The following MYO18B variants were observed in gnomAD, a reference collection of about 807,000 sequenced individuals.
MYO18B encodes unconventional myosin-XVIIIb.
MYO18B carries 204 observed loss-of-function variants against 273.0 expected under a neutral mutation model. That is an observed-to-expected ratio of 0.75 (90% CI 0.67 to 0.84). The LOEUF (loss-of-function observed/expected upper bound fraction) is 0.84, where lower values mean the gene tolerates loss of function less well. Ranked by LOEUF, MYO18B falls within the 40% of genes least tolerant of loss-of-function variation. The pLI, the probability that MYO18B is intolerant of heterozygous loss-of-function variation, is 0.00. For missense variants in MYO18B, 3,212 were observed against 3,287.6 expected (o/e 0.98, Z 0.56); for synonymous variants, 1,330 against 1,305.7 (o/e 1.02, Z -0.40).
chr22:26,026,247 C>G (rs926120054), intron 42 of MYO18B, among the ~76,000 whole-genome samples, 198 bp from the exon 43 acceptor site: 2 of 152,176 alleles, frequency 1.3e-5, no homozygotes, highest in African/African-American at 4.8e-5. Flanking sequence ...ATAGAAATTG[C>G]ATTCGGAAAG....
intron 18 of MYO18B, among the ~76,000 whole-genome samples, chr22:25,844,826 A>G (rs1014520573): frequency 1.3e-5 from 2 of 152,216 alleles, no homozygotes; most frequent in Non-Finnish European, 2.9e-5. Flanking sequence ...AGTTGCGAGC[A>G]CACAGAGGAC....
At chr22:26,020,234 C>A (rs187107574) in intron 42 of MYO18B, among the ~76,000 whole-genome samples, 1 of 152,120 alleles carries the variant, frequency 6.6e-6, no homozygotes, top group African/African-American at 2.4e-5. Flanking sequence ...GATATAGGTG[C>A]CTCCTTCTTT....
chr22:25,987,682 G>T (rs1292616963), intron 39 of MYO18B, among the ~76,000 whole-genome samples: 3 of 151,948 alleles, frequency 2.0e-5, no homozygotes, highest in Non-Finnish European at 2.9e-5. Flanking sequence ...TGGAAGTGAG[G>T]ACTTTATTTG....
At chr22:26,019,200 T>A (rs1935613889) in intron 42 of MYO18B, among the ~76,000 whole-genome samples, 1 of 152,038 alleles carries the variant, frequency 6.6e-6, no homozygotes, top group African/African-American at 2.4e-5. Context: ...AGCATGGGAG[T>A]CTCAGCTCTG....
chr22:25,835,717 A>G (rs903495539), intron 17 of MYO18B, among the ~76,000 whole-genome samples: 7 of 152,260 alleles, frequency 4.6e-5, no homozygotes, highest in African/African-American at 1.7e-4. Context: ...AGCCAAGCAC[A>G]TGCGTGCACA....
chr22:25,997,755 C>T (rs115431234), intron 40 of MYO18B, among the ~76,000 whole-genome samples: 1,562 of 152,240 alleles, frequency 0.01, 27 homozygotes, highest in African/African-American at 0.036. Context: ...CCCCCAGCTC[C>T]TGCCCAGGCC....
At chr22:25,780,590 CAAAAAAAAAAAAAAAAAAA>C (rs59082074) in intron 9 of MYO18B, among the ~76,000 whole-genome samples, 4 of 65,218 alleles carry the variant, frequency 6.1e-5, no homozygotes, top group African/African-American at 1.3e-4. Context: ...AACTCCATCT[CAAAAAAAAAAAAAAAAAAA>C]AAAAAAAAAA....
At chr22:25,824,385 G>T (rs1048288406) in intron 13 of MYO18B, among the ~76,000 whole-genome samples, 2 of 152,064 alleles carry the variant, frequency 1.3e-5, no homozygotes, top group South Asian at 4.1e-4. Context: ...ACAGAGACCA[G>T]CAGTGGCTGC....
chr22:25,817,606 C>A (rs984618961), intron 12 of MYO18B, among the ~76,000 whole-genome samples: 2 of 152,024 alleles, frequency 1.3e-5, no homozygotes, highest in Non-Finnish European at 2.9e-5. Context: ...GGTTAGGTAA[C>A]TACTCTTTCA....
chr22:25,753,083 C>A (rs1213254490), intron 1 of MYO18B, among the ~76,000 whole-genome samples: 8 of 135,630 alleles, frequency 5.9e-5, no homozygotes, highest in Admixed American at 3.5e-4. Flanking sequence ...CCGAGCCCCC[C>A]ACCACTGGTT....
At chr22:25,790,013 C>T (rs993200709) in intron 11 of MYO18B, among the ~76,000 whole-genome samples, 9 of 151,986 alleles carry the variant, frequency 5.9e-5, no homozygotes, top group Middle Eastern at 3.4e-3. Flanking sequence ...ATTAGCCGGA[C>T]GTGGTGGCGG....
intron 36 of MYO18B, among the ~76,000 whole-genome samples, chr22:25,948,455 C>G (rs67843704): frequency 1.2e-5 from 1 of 80,070 alleles, no homozygotes; most frequent in Non-Finnish European, 2.8e-5. Flanking sequence ...TCCTTCCTTC[C>G]TTCCTTCTTT....
intron 11 of MYO18B, among the ~76,000 whole-genome samples, chr22:25,793,300 T>A (rs2087759891): frequency 6.6e-6 from 1 of 152,194 alleles, no homozygotes; most frequent in African/African-American, 2.4e-5. Context: ...AGTAGTGGGA[T>A]CATAGCTCAC....
the MYO18B span, among the ~76,000 whole-genome samples, chr22:26,036,888 G>A: frequency 6.6e-6 from 1 of 152,350 alleles, no homozygotes; most frequent in South Asian, 2.1e-4. Flanking sequence ...TTCAGCGAGT[G>A]AGGAGAGAGA....
intron 34 of MYO18B, among the ~76,000 whole-genome samples, chr22:25,942,922 G>C (rs2092661311): frequency 6.6e-6 from 1 of 151,954 alleles, no homozygotes; most frequent in Admixed American, 6.6e-5. Context: ...AGAAGGGAAA[G>C]GAAAGAGCAT....
At chr22:26,049,080 TAAAATCTG>T in the MYO18B span, among the ~76,000 whole-genome samples, 1 of 151,932 alleles carries the variant, frequency 6.6e-6, no homozygotes, top group African/African-American at 2.4e-5. Flanking sequence ...TAAAAACCTC[TAAAATCTG>T]AAAAAAAAAG....
chr22:25,912,606 A>G (rs921440199), intron 33 of MYO18B, among the ~76,000 whole-genome samples: 8 of 152,204 alleles, frequency 5.3e-5, no homozygotes, highest in Admixed American at 2.6e-4. Context: ...ACCCATGGAA[A>G]AGCAGAACAA....
chr22:25,890,429 A>G (rs2091625981), intron 25 of MYO18B, among the ~76,000 whole-genome samples: 1 of 152,206 alleles, frequency 6.6e-6, no homozygotes. Context: ...AGCACTTACT[A>G]CGTGCCAGGC....
the MYO18B span, among the ~76,000 whole-genome samples, chr22:26,051,971 C>G: frequency 5.3e-5 from 8 of 152,200 alleles, no homozygotes. Context: ...TAACCAGTCC[C>G]TCTTGATGAA....
Sources: allele counts gnomAD v4.1 joint callset (sites outside exome capture counted in the v4.1 genomes callset), GRCh38; gene constraint gnomAD v4.1.1; transcripts MANE v1.5; gene names NCBI Gene and HGNC (gene_info 2026-07-23, HGNC 2026-07-21).